Variants in ADAM32 observed in about 807,000 individuals in gnomAD.
The protein encoded by ADAM32 is disintegrin and metalloproteinase domain-containing protein 32.
A neutral mutation model predicts 114.9 loss-of-function variants in ADAM32; 89 were observed. The observed-to-expected ratio is 0.77, with a 90% CI of 0.65 to 0.92. The LOEUF (loss-of-function observed/expected upper bound fraction) is 0.92. Ranked by LOEUF, ADAM32 falls within the 40% of genes least tolerant of loss-of-function variation. The pLI is 0.00. For synonymous variants in ADAM32, 285 were observed against 307.5 expected, an observed-to-expected ratio of 0.93 and a Z score of 0.77; for missense variants, 870 against 932.8, an observed-to-expected ratio of 0.93 and a Z score of 0.88.
At chr8:39,225,970 C>G (rs926002748) in intron 14 of ADAM32, among the ~76,000 whole-genome samples, 1 of 151,920 alleles carries the variant, frequency 6.6e-6, no homozygotes, top group Non-Finnish European at 1.5e-5. Flanking sequence ...CTTCAAATTG[C>G]CTGAACAAGA....
chr8:39,175,121 A>G (rs1407154589), intron 10 of ADAM32, among the ~76,000 whole-genome samples: 1 of 152,188 alleles, frequency 6.6e-6, no homozygotes, highest in Non-Finnish European at 1.5e-5. Flanking sequence ...GGATCATGTC[A>G]TCTGCAAACA....
chr8:39,162,726 G>A (rs566590420), intron 7 of ADAM32, among the ~76,000 whole-genome samples: 11 of 152,154 alleles, frequency 7.2e-5, no homozygotes, highest in East Asian at 1.9e-4. Context: ...ACCCTTGGTC[G>A]GGTGTGGTGC....
At chr8:39,160,414 C>T (rs1804425577) in intron 6 of ADAM32, among the ~76,000 whole-genome samples, 1 of 152,042 alleles carries the variant, frequency 6.6e-6, no homozygotes, top group Admixed American at 6.6e-5. Flanking sequence ...GTGGCAGGCG[C>T]CTGTAGTCCC....
chr8:39,186,269 G>A (rs1485872414), intron 10 of ADAM32, among the ~76,000 whole-genome samples: 1 of 152,102 alleles, frequency 6.6e-6, no homozygotes, highest in Admixed American at 6.6e-5. Context: ...CATATCCTAT[G>A]CCAGCTTTGG....
intron 18 of ADAM32, among the ~76,000 whole-genome samples, chr8:39,256,602 C>T (rs940651703): frequency 3.3e-5 from 5 of 151,898 alleles, no homozygotes; most frequent in Admixed American, 6.6e-5. Context: ...TGGGGATGTA[C>T]GGTGAGCAAA....
At chr8:39,122,172 G>A (rs1373984991) in intron 2 of ADAM32, among the ~76,000 whole-genome samples, 1 of 152,128 alleles carries the variant, frequency 6.6e-6, no homozygotes, top group East Asian at 1.9e-4. Context: ...ACTTGGAATT[G>A]ATGCTAGAAT....
At chr8:39,243,677 T>C (rs181087819) in intron 16 of ADAM32, among the ~76,000 whole-genome samples, 125 of 152,298 alleles carry the variant, frequency 8.2e-4, no homozygotes, top group African/African-American at 2.9e-3. Flanking sequence ...AACATTGTAC[T>C]GAATAGGGAA....
At chr8:39,126,342 C>G (rs562660310) in intron 2 of ADAM32, among the ~76,000 whole-genome samples, 12 of 152,196 alleles carry the variant, frequency 7.9e-5, no homozygotes, top group African/African-American at 2.9e-4. Context: ...TGTGTCCTCT[C>G]TGATTTCTTT....
At chr8:39,223,987 C>G (rs1172792876) in intron 14 of ADAM32, 2 of 152,150 alleles carry the variant, frequency 1.3e-5, no homozygotes, top group African/African-American at 4.8e-5. Flanking sequence ...CCTCCTTACT[C>G]TGACTGAATA....
chr8:39,229,941 A>G (rs1420211825), intron 14 of ADAM32, among the ~76,000 whole-genome samples: 1 of 152,184 alleles, frequency 6.6e-6, no homozygotes, highest in Non-Finnish European at 1.5e-5. Flanking sequence ...ACCCAAAGAT[A>G]AGCCATAAAA....
intron 16 of ADAM32, among the ~76,000 whole-genome samples, chr8:39,245,166 G>A (rs1164049403): frequency 6.6e-6 from 1 of 152,140 alleles, no homozygotes; most frequent in East Asian, 1.9e-4. Flanking sequence ...CAACCTGGAT[G>A]GAGTTGGAGC....
chr8:39,120,157 C>T (rs1340948639), intron 2 of ADAM32, among the ~76,000 whole-genome samples: 1 of 152,154 alleles, frequency 6.6e-6, no homozygotes, highest in African/African-American at 2.4e-5. Context: ...TTGTCTGTGG[C>T]ATTTTGTTTG....
intron 10 of ADAM32, among the ~76,000 whole-genome samples, chr8:39,180,123 G>GC (rs1303999253): frequency 6.6e-6 from 1 of 152,196 alleles, no homozygotes; most frequent in Non-Finnish European, 1.5e-5. Flanking sequence ...AGGGAGAGGC[G>GC]CGAGTGGGAA....
intron 22 of ADAM32, among the ~76,000 whole-genome samples, chr8:39,279,696 AT>A (rs569738586): frequency 7.3e-5 from 11 of 150,060 alleles, no homozygotes; most frequent in African/African-American, 2.4e-4. Context: ...CTTAATAGCT[AT>A]TTTTTTTTGC....
At chr8:39,147,471 A>G (rs751379413) in intron 4 of ADAM32, among the ~76,000 whole-genome samples, 1 of 152,016 alleles carries the variant, frequency 6.6e-6, no homozygotes, top group Non-Finnish European at 1.5e-5. Context: ...GTTTGTAAGA[A>G]TATAAATTAA....
At chr8:39,182,033 G>A (rs536076204) in intron 10 of ADAM32, among the ~76,000 whole-genome samples, 12 of 152,136 alleles carry the variant, frequency 7.9e-5, no homozygotes, top group Non-Finnish European at 1.5e-4. Flanking sequence ...TTTGAAGAAC[G>A]ACAAAGTTGA....
chr8:39,136,379 A>G (rs766160885), intron 2 of ADAM32, among the ~76,000 whole-genome samples: 2 of 152,214 alleles, frequency 1.3e-5, no homozygotes, highest in Admixed American at 6.5e-5. Context: ...CACGTGACCT[A>G]TTCATTCATA....
At chr8:39,220,590 C>G (rs781078356) in intron 12 of ADAM32, among the ~76,000 whole-genome samples, 1 of 151,852 alleles carries the variant, frequency 6.6e-6, no homozygotes, top group Non-Finnish European at 1.5e-5. Flanking sequence ...TTTGCTGTAT[C>G]TCATAGGTTT....
chr8:39,199,764 C>T (rs113366451), intron 11 of ADAM32, among the ~76,000 whole-genome samples: 3 of 150,892 alleles, frequency 2.0e-5, no homozygotes, highest in African/African-American at 7.3e-5. Context: ...AATGCTATCC[C>T]CCCCACCACC....
Sources: gnomAD v4.1 joint callset for allele counts (sites outside exome capture counted in the v4.1 genomes callset) on GRCh38, gnomAD v4.1.1 for gene constraint, MANE v1.5 for transcripts, NCBI Gene and HGNC (gene_info 2026-07-23, HGNC 2026-07-21) for gene names.